The following DCDC1 variants were observed in gnomAD, a reference collection of about 807,000 sequenced individuals.
DCDC1 encodes doublecortin domain containing 1, also known as doublecortin domain-containing protein 1.
A neutral mutation model predicts 178.3 loss-of-function variants in DCDC1; 200 were observed. That is an observed-to-expected ratio of 1.12 (90% CI 1.00 to 1.26). The LOEUF (loss-of-function observed/expected upper bound fraction) is 1.26, where lower values mean the gene tolerates loss of function less well. Among genes scored for constraint, DCDC1 ranks in the 50% most tolerant of loss-of-function variants. The pLI is 0.00. For missense variants in DCDC1, 1,983 were observed against 1,749.2 expected, an observed-to-expected ratio of 1.13 and a Z score of -2.38; for synonymous variants, 690 against 604.8, an observed-to-expected ratio of 1.14 and a Z score of -2.07.
chr11:31,213,378 C>G (rs1379011547), intron 9 of DCDC1, among the ~76,000 whole-genome samples: 6 of 151,688 alleles, frequency 4.0e-5, no homozygotes, highest in Non-Finnish European at 2.9e-5. Flanking sequence ...TGTTTAACAT[C>G]TAAAGTAGGA....
In DCDC1 at chr11:31,168,618, G is replaced by A. The variant is rs559524457; in HGVS notation, c.1222-30834C>T. Among the ~76,000 whole-genome samples, 3 of 152,346 alleles carry A rather than the reference G, an allele frequency of 2.0e-5. No homozygotes were observed. In the South Asian group the frequency reaches 6.2e-4, roughly 32 times the overall value. On this transcript the variant is annotated intron_variant, in intron 9 of 38. Coordinates refer to ENST00000684477, the MANE Select transcript of DCDC1 (RefSeq NM_001387274.1). ...AAGCAGTTTTCTACAAACTAGGAGA[G>A]AGGGTTTTTAAGAAAGACTGACGGG... is the stretch of plus-strand genomic sequence containing the variant.
At chr11:30,925,172 G>A (rs1333808387) in intron 23 of DCDC1, 137 bp downstream of exon 23, 1 of 734,832 alleles carries the variant, frequency 1.4e-6, no homozygotes, top group East Asian at 2.6e-5. Context: ...ACTTTCTGAT[G>A]TTTGCTCAGT....
At chr11:31,268,532 T>C (rs1945331220) in intron 7 of DCDC1, among the ~76,000 whole-genome samples, 1 of 152,186 alleles carries the variant, frequency 6.6e-6, no homozygotes, top group South Asian at 2.1e-4. Flanking sequence ...GCTGCATCCA[T>C]GTGGCTGCAA....
At position 30,894,253 on chromosome 11, in the gene DCDC1, T is replaced by C. The variant is rs770726274; in HGVS notation, c.4897A>G (p.Thr1633Ala). The C allele has an allele frequency of 6.2e-7, 1 of 1,613,434 alleles. No individual in the cohort carries two copies. The highest frequency in any genetic ancestry group is 1.7e-5 in the Admixed American group (1 of 59,878). The change falls in exon 35 of 39, where the codon ACA (threonine) becomes GCA (alanine). Residue 1633 changes from threonine (T) to alanine (A), a missense_variant. Transcript: ENST00000684477. ...EIKLMELIRH[T>A]EAHLSEIQEM... ...CAGAATCCCAAAGAACATACCTCTGTATGTCTTATAAGTTCCATGAGTTTA... is the reference window on the plus strand; with the variant it reads ...CAGAATCCCAAAGAACATACCTCTGCATGTCTTATAAGTTCCATGAGTTTA...
intron 15 of DCDC1, among the ~76,000 whole-genome samples, chr11:31,099,157 T>G (rs940686349): frequency 6.6e-6 from 1 of 152,168 alleles, no homozygotes; most frequent in South Asian, 2.1e-4. Context: ...TATCCAATTG[T>G]TTTTAGGTTT....
chr11:31,361,394 C>T (rs1056295851), intron 1 of DCDC1, among the ~76,000 whole-genome samples: 1 of 152,196 alleles, frequency 6.6e-6, no homozygotes, highest in African/African-American at 2.4e-5. Flanking sequence ...TTCAACTCAA[C>T]TCATTACATG....
intron 1 of DCDC1, among the ~76,000 whole-genome samples, chr11:31,346,463 C>CA (rs377761189): frequency 0.012 from 985 of 83,256 alleles, 23 homozygotes; most frequent in East Asian, 0.1. Flanking sequence ...GACTCCGTCT[C>CA]AAAAAAAAAA....
intron 7 of DCDC1, chr11:31,280,615 A>T (rs1294085587): frequency 2.4e-6 from 1 of 416,898 alleles, no homozygotes; most frequent in Non-Finnish European, 4.5e-6. Flanking sequence ...TGGTATACAT[A>T]AAAAAGTCAT....
intron 3 of DCDC1, among the ~76,000 whole-genome samples, chr11:31,311,105 T>C (rs1948745703): frequency 6.6e-6 from 1 of 152,222 alleles, no homozygotes; most frequent in Non-Finnish European, 1.5e-5. Flanking sequence ...ATTTCTATGC[T>C]AAATTACTTT....
intron 9 of DCDC1, among the ~76,000 whole-genome samples, chr11:31,173,201 A>G (rs1967489080): frequency 6.6e-6 from 1 of 152,230 alleles, no homozygotes; most frequent in African/African-American, 2.4e-5. Flanking sequence ...CAAAGAAAGT[A>G]AATTTACTCT....
intron 2 of DCDC1, among the ~76,000 whole-genome samples, chr11:31,330,612 A>G (rs980804969): frequency 1.3e-5 from 2 of 152,244 alleles, no homozygotes; most frequent in East Asian, 1.9e-4. Context: ...AGCTTTCTAC[A>G]TATGGCTAGC....
At chr11:31,222,193 G>A (rs569867496) in intron 9 of DCDC1, among the ~76,000 whole-genome samples, 8 of 152,042 alleles carry the variant, frequency 5.3e-5, no homozygotes, top group Admixed American at 1.3e-4. Context: ...CTCCTAAGTA[G>A]CTGGGATTAC....
chr11:30,867,162 G>T (rs1941067779), intron 38 of DCDC1, among the ~76,000 whole-genome samples: 1 of 152,154 alleles, frequency 6.6e-6, no homozygotes. Flanking sequence ...ATCACTTCAA[G>T]GCATCTAGTG....
rs143936561 is a variant in DCDC1 at position 30,905,081 on chromosome 11, C to G, written c.4188G>C (p.Thr1396=). Residue 1396 remains threonine (T), a synonymous_variant, in exon 31 of 39, where the codon ACG becomes ACC. Transcript: ENST00000684477. ...CCATGCCACTGTGAGATGCAGCTTG[C>G]GTGCAGGTCTTCATCCGTAAAGACA... ...RLLSLRMKTC[T]QAASHSGMAA... The G allele has an allele frequency of 8.6e-5, 138 of 1,613,624 alleles. No homozygotes were observed. The highest frequency in any genetic ancestry group is 1.0e-4 in the Non-Finnish European group (122 of 1,179,766).
chr11:31,104,381 T>C (rs1958717813), intron 13 of DCDC1, among the ~76,000 whole-genome samples: 2 of 152,148 alleles, frequency 1.3e-5, no homozygotes, highest in Admixed American at 6.5e-5. Context: ...TCTGCAGTCT[T>C]GTTGCCAAAA....
intron 8 of DCDC1, among the ~76,000 whole-genome samples, chr11:31,260,453 A>C (rs1944707076): frequency 6.6e-6 from 1 of 152,224 alleles, no homozygotes; most frequent in South Asian, 2.1e-4. Context: ...GAAATTTATC[A>C]GAGAATATAC....
At chr11:31,291,314 C>T (rs1327438777) in intron 6 of DCDC1, among the ~76,000 whole-genome samples, 2 of 151,994 alleles carry the variant, frequency 1.3e-5, no homozygotes, top group Non-Finnish European at 2.9e-5. Flanking sequence ...ATGCTGACCT[C>T]CAAATAGTAA....
chr11:31,034,296 G>A (rs530969815), intron 20 of DCDC1, among the ~76,000 whole-genome samples: 89 of 104,598 alleles, frequency 8.5e-4, no homozygotes, highest in African/African-American at 3.7e-3. Context: ...AGTTCATAAA[G>A]TAAAAAAGTT....
At position 30,906,597 on chromosome 11, in the gene DCDC1, G is replaced by A. The variant is rs773577902; in HGVS notation, c.4047C>T (p.Gly1349=). Residue 1349 remains glycine (G), a synonymous_variant, in exon 30 of 39, where the codon GGC becomes GGT. Transcript: ENST00000684477. ...GTAAGAAGGGCTTCTGAGTCTTGGT[G>A]CCTGAAATACAGAGGAATGGAACCC... ...LPGVPFLCIS[G]TKTQKPFLQG... is the part of the protein sequence containing the mutation. The A allele has an allele frequency of 1.2e-6, 2 of 1,613,314 alleles. No individual in the cohort carries two copies. Among genetic ancestry groups the A allele is most frequent in the Non-Finnish European group, 8.5e-7 (1 of 1,179,636 alleles).
Sources: gnomAD v4.1 joint callset for allele counts (sites outside exome capture counted in the v4.1 genomes callset) on GRCh38, gnomAD v4.1.1 for gene constraint, MANE v1.5 for transcripts, NCBI Gene and HGNC (gene_info 2026-07-23, HGNC 2026-07-21) for gene names.